Variants in EPB41L2 observed in about 807,000 individuals in gnomAD.
EPB41L2 encodes band 4.1-like protein 2.
Under a neutral mutation model 113.0 loss-of-function variants are expected in EPB41L2, and 43 were observed. The ratio of observed to expected loss-of-function variants is 0.38; its 90% CI spans 0.30 to 0.49. EPB41L2 has a LOEUF of 0.49. Among genes scored for constraint, EPB41L2 ranks in the 20% least tolerant of loss-of-function variants. EPB41L2 has a pLI of 0.95. For synonymous variants in EPB41L2, 442 were observed against 436.7 expected, an observed-to-expected ratio of 1.01 and a Z score of -0.15; for missense variants, 1,147 against 1,223.4, an observed-to-expected ratio of 0.94 and a Z score of 0.93.
intron 6 of EPB41L2, among the ~76,000 whole-genome samples, chr6:130,901,959 G>A (rs574202025): frequency 3.9e-4 from 59 of 152,278 alleles, no homozygotes; most frequent in Middle Eastern, 3.4e-3. Context: ...GGCTCACTAC[G>A]GTTATAAAAG....
At chr6:131,025,988 C>T (rs531027243) in intron 1 of EPB41L2, among the ~76,000 whole-genome samples, 11 of 152,238 alleles carry the variant, frequency 7.2e-5, no homozygotes, top group African/African-American at 2.6e-4. Flanking sequence ...ACCAAACAGC[C>T]CCCAGGTCAC....
chr6:130,962,911 G>T (rs1480113312), intron 1 of EPB41L2, among the ~76,000 whole-genome samples: 1 of 152,134 alleles, frequency 6.6e-6, no homozygotes, highest in Non-Finnish European at 1.5e-5. Context: ...GAAGTCCACT[G>T]GTGGGCTTCT....
At chr6:130,929,486 CCCTGT>C (rs1805958562) in intron 3 of EPB41L2, among the ~76,000 whole-genome samples, 1 of 152,128 alleles carries the variant, frequency 6.6e-6, no homozygotes, top group African/African-American at 2.4e-5. Flanking sequence ...CTGCTGGTTA[CCCTGT>C]CCGACTCTCA....
intron 1 of EPB41L2, among the ~76,000 whole-genome samples, chr6:131,059,945 T>G (rs945812434): frequency 1.3e-5 from 2 of 152,232 alleles, no homozygotes; most frequent in Non-Finnish European, 2.9e-5. Context: ...TTTTGTTTTC[T>G]CCAAGTAAAC....
At chr6:131,015,594 T>A (rs113261452) in intron 1 of EPB41L2, among the ~76,000 whole-genome samples, 1 of 152,208 alleles carries the variant, frequency 6.6e-6, no homozygotes, top group African/African-American at 2.4e-5. Flanking sequence ...TTACTACTGT[T>A]ACATTTTTAA....
At chr6:130,947,024 C>CCG (rs1554291516) in intron 3 of EPB41L2, among the ~76,000 whole-genome samples, 7 of 143,764 alleles carry the variant, frequency 4.9e-5, no homozygotes, top group African/African-American at 2.7e-5. Flanking sequence ...AAGACCCCCC[C>CCG]CCCAGCCCCT....
At chr6:131,013,239 GAAA>G (rs56287133) in intron 1 of EPB41L2, among the ~76,000 whole-genome samples, 14 of 150,336 alleles carry the variant, frequency 9.3e-5, no homozygotes, top group African/African-American at 2.9e-4. Flanking sequence ...GTTAACTAAA[GAAA>G]AAAAAAAATA....
chr6:130,939,979 T>C (rs1454332710), intron 3 of EPB41L2, among the ~76,000 whole-genome samples: 3 of 151,688 alleles, frequency 2.0e-5, no homozygotes, highest in East Asian at 1.9e-4. Flanking sequence ...AGAGTGTACA[T>C]GTTACTGTGT....
In EPB41L2 at chr6:130,929,857, T is replaced by TCACACACACACACA. The variant is rs140350248; in HGVS notation, c.706-3162_706-3149dup. ...GGGAGATTAAATACAAGACAGACAGTCACACACACACACACACACACACAC... is the reference window on the plus strand; with the variant it reads ...GGGAGATTAAATACAAGACAGACAGTCACACACACACACACACACACACACACACACACACACAC... On this transcript the variant is annotated intron_variant, in intron 3 of 19. Transcript: ENST00000337057. Among the ~76,000 whole-genome samples, 761 of 123,408 alleles carry TCACACACACACACA rather than the reference T, an allele frequency of 6.2e-3. 10 individuals carry two copies. Among genetic ancestry groups the TCACACACACACACA allele is most frequent in the African/African-American group, 0.011 (362 of 34,242 alleles). The allele number at this position is 123,408 out of a possible 152,430, so 81.0% of individuals were successfully genotyped here.
At chr6:130,927,235 T>C (rs1037755208) in intron 3 of EPB41L2, among the ~76,000 whole-genome samples, 2 of 152,202 alleles carry the variant, frequency 1.3e-5, no homozygotes, top group African/African-American at 4.8e-5. Context: ...TAGAAAATGA[T>C]ATGGTGTTCG....
intron 17 of EPB41L2, among the ~76,000 whole-genome samples, chr6:130,864,220 T>A (rs1783006646): frequency 1.3e-5 from 2 of 152,216 alleles, no homozygotes; most frequent in Non-Finnish European, 2.9e-5. Flanking sequence ...TTTTTTCCCA[T>A]CACAGAAGAC....
Position 131,021,173 on chromosome 6 carries a change from T to C in EPB41L2, c.-15+41982A>G, listed in dbSNP as rs527780321. Among the ~76,000 whole-genome samples, 257 of 152,288 alleles carry C rather than the reference T, an allele frequency of 1.7e-3. 1 individual carries two copies. Among genetic ancestry groups the C allele is most frequent in the Admixed American group, 3.3e-3 (50 of 15,294 alleles). ...GGGAGTTTAGTTAGTGCTGTGATCT[T>C]TCCACAGAAGGAGCTCATGCAGAAG... On this transcript the variant is annotated intron_variant, in intron 1 of 19. Coordinates refer to ENST00000337057, the MANE Select transcript of EPB41L2 (RefSeq NM_001431.4).
intron 1 of EPB41L2, among the ~76,000 whole-genome samples, chr6:130,965,898 C>A (rs1411435407): frequency 1.3e-5 from 2 of 152,136 alleles, no homozygotes; most frequent in African/African-American, 2.4e-5. Flanking sequence ...AATGTGTCCA[C>A]ACTTTAAACT....
chr6:130,966,749 C>T (rs553095139), intron 1 of EPB41L2, among the ~76,000 whole-genome samples: 1 of 152,234 alleles, frequency 6.6e-6, no homozygotes, highest in South Asian at 2.1e-4. Context: ...GCTTGGTTAG[C>T]CAGCTTCCTT....
intron 5 of EPB41L2, among the ~76,000 whole-genome samples, chr6:130,905,472 G>A (rs1370566575): frequency 6.7e-6 from 1 of 150,016 alleles, no homozygotes; most frequent in East Asian, 2.0e-4. Flanking sequence ...AGGTTGCAGT[G>A]CCGTGGCATG....
At chr6:130,900,854 G>A in intron 7 of EPB41L2, 108 bp downstream of exon 7, 4 of 1,348,298 alleles carry the variant, frequency 3.0e-6, no homozygotes, top group Non-Finnish European at 4.1e-6. Flanking sequence ...ACTCCAAAAG[G>A]AAAAATTGGA....
At chr6:130,933,938 G>C (rs1182190036) in intron 3 of EPB41L2, among the ~76,000 whole-genome samples, 2 of 152,060 alleles carry the variant, frequency 1.3e-5, no homozygotes, top group Non-Finnish European at 2.9e-5. Context: ...TGCAGTTATT[G>C]TGTGCTGAGG....
chr6:130,968,280 T>C (rs1392872903), intron 1 of EPB41L2, among the ~76,000 whole-genome samples: 2 of 152,152 alleles, frequency 1.3e-5, no homozygotes, highest in African/African-American at 4.8e-5. Flanking sequence ...CAAAAGCTTG[T>C]CAAAGTCAAT....
chr6:130,904,494 A>G lies in EPB41L2; in HGVS notation c.900T>C (p.Asp300=), dbSNP rs1797165450. ...TGATATCTTCAGTCAATTGAGAAGG[A>G]TCAGGAGGATAAAACTTCACATTAA... ...FTFNVKFYPP[D]PSQLTEDITR... Residue 300 remains aspartate, a synonymous_variant, in exon 6 of 20, where the codon GAT becomes GAC. Transcript: ENST00000337057. The G allele has an allele frequency of 6.2e-7, 1 of 1,607,372 alleles. No homozygotes were observed. Among genetic ancestry groups the G allele is most frequent in the Non-Finnish European group, 8.5e-7 (1 of 1,175,418 alleles).
Sources: allele counts gnomAD v4.1 joint callset (sites outside exome capture counted in the v4.1 genomes callset), GRCh38; gene constraint gnomAD v4.1.1; transcripts MANE v1.5; gene names NCBI Gene and HGNC (gene_info 2026-07-23, HGNC 2026-07-21).